The following CHRM2 variants were observed in gnomAD, a reference collection of about 807,000 sequenced individuals.
The protein encoded by CHRM2 is cholinergic receptor muscarinic 2.
A neutral mutation model predicts 25.0 loss-of-function variants in CHRM2; 8 were observed. The ratio of observed to expected loss-of-function variants is 0.32; its 90% CI spans 0.19 to 0.58. CHRM2 has a LOEUF of 0.58. Among genes scored for constraint, CHRM2 ranks in the 20% least tolerant of loss-of-function variants. CHRM2 has a pLI of 0.88. For synonymous variants in CHRM2, 202 were observed against 205.7 expected (o/e 0.98, Z 0.15); for missense variants, 440 against 567.1 (o/e 0.78, Z 2.28).
intron 2 of CHRM2, among the ~76,000 whole-genome samples, chr7:136,904,630 A>T (rs1168945412): frequency 2.0e-5 from 3 of 151,762 alleles, no homozygotes; most frequent in Non-Finnish European, 2.9e-5. Context: ...CCTTTTTAAA[A>T]TAATTTCTTG....
chr7:136,913,626 T>A (rs1356047707), intron 2 of CHRM2, among the ~76,000 whole-genome samples: 2 of 151,830 alleles, frequency 1.3e-5, no homozygotes, highest in African/African-American at 4.8e-5. Flanking sequence ...AACCTAGTAA[T>A]TTTTTTTGAG....
At chr7:136,954,424 G>A (rs561458797) in intron 2 of CHRM2, among the ~76,000 whole-genome samples, 38 of 152,172 alleles carry the variant, frequency 2.5e-4, no homozygotes, top group African/African-American at 8.2e-4. Flanking sequence ...TGATTCTGTC[G>A]ATTTCTTCCT....
In CHRM2 at chr7:136,884,682, TG is replaced by T. The variant is rs532639173; in HGVS notation, c.-125+15268del. 2.0e-4 allele frequency among the ~76,000 whole-genome samples: 30 copies of T among 152,266 alleles called. No homozygotes were observed. The East Asian group carries it at 5.8e-3, about 29-fold the overall frequency. Reference sequence around the variant, plus strand: ...TTACACTGGGAATGTGATGTCCTCCTGGGGAATGTTGGGAAGGCACTTGCAA... The same window carrying T: ...TTACACTGGGAATGTGATGTCCTCCTGGGAATGTTGGGAAGGCACTTGCAA... On this transcript the variant is annotated intron_variant, in intron 2 of 3. Transcript: ENST00000680005.
chr7:136,957,107 T>C (rs1425488898), intron 2 of CHRM2, among the ~76,000 whole-genome samples: 3 of 152,176 alleles, frequency 2.0e-5, no homozygotes, highest in African/African-American at 2.4e-5. Context: ...AAAACCCCAC[T>C]TCACTTTGTG....
chr7:137,015,367 G>A lies in CHRM2; in HGVS notation c.502G>A (p.Val168Met). The A allele has an allele frequency of 6.2e-7, 1 of 1,613,500 alleles. No individual in the cohort carries two copies. Among genetic ancestry groups the A allele is most frequent in the Non-Finnish European group, 8.5e-7 (1 of 1,179,664 alleles). ...TCTCTTCTGGCAGTTCATTGTAGGG[G>A]TGAGAACTGTGGAGGATGGGGAGTG... ...AILFWQFIVG[V>M]RTVEDGECYI... Residue 168 changes from valine to methionine, a missense_variant, in exon 4 of 4, where the codon GTG becomes ATG. Val to Met is a conservative substitution (Grantham distance 21). Around this residue, in one of 5 missense-constraint regions of CHRM2, gnomAD observed 261 missense variants for 261.8 expected, o/e 1.00. Coordinates refer to ENST00000680005, the MANE Select transcript of CHRM2 (RefSeq NM_001006630.2). The surrounding 1 kb of genome is among the most constrained non-coding windows in gnomAD (Gnocchi z 5.1).
chr7:136,979,749 C>T (rs1207671395), intron 2 of CHRM2, among the ~76,000 whole-genome samples: 4 of 151,894 alleles, frequency 2.6e-5, no homozygotes, highest in South Asian at 2.1e-4. Context: ...AAAGATCAGA[C>T]GACTGCAGAT....
At chr7:136,911,754 G>T (rs1797854334) in intron 2 of CHRM2, among the ~76,000 whole-genome samples, 1 of 151,858 alleles carries the variant, frequency 6.6e-6, no homozygotes. Context: ...TGTAATTCAG[G>T]TAAATCTGAG....
At chr7:136,994,661 C>T (rs1263857899) in intron 3 of CHRM2, among the ~76,000 whole-genome samples, 2 of 148,924 alleles carry the variant, frequency 1.3e-5, no homozygotes, top group Non-Finnish European at 3.0e-5. Flanking sequence ...CAAAGAAAGA[C>T]GTTTAGCACT....
chr7:136,892,537 G>C (rs1334787130), intron 2 of CHRM2, among the ~76,000 whole-genome samples: 1 of 152,206 alleles, frequency 6.6e-6, no homozygotes, highest in East Asian at 1.9e-4. Flanking sequence ...AAACAAACAG[G>C]TGTTAATGAG....
At chr7:136,896,629 A>G (rs1796912965) in intron 2 of CHRM2, among the ~76,000 whole-genome samples, 1 of 152,158 alleles carries the variant, frequency 6.6e-6, no homozygotes, top group African/African-American at 2.4e-5. Flanking sequence ...CTAACTAAAA[A>G]TGAAACATCT....
intron 2 of CHRM2, among the ~76,000 whole-genome samples, chr7:136,917,944 A>G (rs1372818472): frequency 6.6e-6 from 1 of 152,114 alleles, no homozygotes; most frequent in African/African-American, 2.4e-5. Flanking sequence ...TGAACAATCC[A>G]TCATGGAGCA....
At chr7:136,981,612 C>T (rs1196023176) in intron 2 of CHRM2, among the ~76,000 whole-genome samples, 1 of 152,168 alleles carries the variant, frequency 6.6e-6, no homozygotes, top group African/African-American at 2.4e-5. Flanking sequence ...CCTCTAAACA[C>T]TGCTTTGGTG....
rs947297413 is a variant in CHRM2 at position 137,018,050 on chromosome 7, T to C, written c.*1784T>C. 2.6e-5 allele frequency: 4 copies of C among 151,934 alleles called. No homozygotes were observed. The highest frequency in any genetic ancestry group is 4.8e-5 in the African/African-American group (2 of 41,430). The allele number at this position is 151,934 out of a possible 1,614,324, so 9.4% of individuals were successfully genotyped here. On this transcript the variant is annotated 3_prime_UTR_variant, in exon 4 of 4. Coordinates refer to ENST00000680005, the MANE Select transcript of CHRM2 (RefSeq NM_001006630.2). ...CAAATTTCATATTTTGGATTTTAGA[T>C]TTATGATATCTTGTTCAGTAATAAT...
Position 137,015,623 on chromosome 7 carries a change from A to G in CHRM2, c.758A>G (p.Asp253Gly). 1.9e-6 allele frequency: 3 copies of G among 1,612,956 alleles called. No individual in the cohort carries two copies. The South Asian group carries it at 3.3e-5, about 18-fold the overall frequency. Reference sequence around the variant, plus strand: ...AATAACAACATGCCCAGCAGTGACGATGGCCTGGAGCACAACAAAATCCAG... The same window carrying G: ...AATAACAACATGCCCAGCAGTGACGGTGGCCTGGAGCACAACAAAATCCAG... ...PNNNNMPSSD[D>G]GLEHNKIQNG... is the part of the protein sequence containing the mutation. The change falls in exon 4 of 4, where the codon GAT becomes GGT. Residue 253 changes from aspartate (D) to glycine (G), a missense_variant. Asp to Gly is a moderately conservative substitution (Grantham distance 94). Around this residue, in one of 5 missense-constraint regions of CHRM2, gnomAD observed 261 missense variants for 261.8 expected, o/e 1.00. Coordinates refer to ENST00000680005, the MANE Select transcript of CHRM2 (RefSeq NM_001006630.2). The surrounding 1 kb of genome is among the most constrained non-coding windows in gnomAD (Gnocchi z 5.1).
chr7:136,886,779 G>C lies in CHRM2; in HGVS notation c.-125+17361G>C, dbSNP rs538144626. Among the ~76,000 whole-genome samples, 5 of 152,226 alleles carry C rather than the reference G, an allele frequency of 3.3e-5. No homozygotes were observed. The South Asian group carries it at 1.0e-3, about 32-fold the overall frequency. ...CCTAGCTACCTGGGAGGCTGAGGGG[G>C]AGGATCATTTGAGCCCCCAGCAGGT... On this transcript the variant is annotated intron_variant, in intron 2 of 3. Coordinates refer to ENST00000680005, the MANE Select transcript of CHRM2 (RefSeq NM_001006630.2).
chr7:136,934,716 A>G (rs1799312804), intron 2 of CHRM2, among the ~76,000 whole-genome samples: 1 of 152,096 alleles, frequency 6.6e-6, no homozygotes, highest in African/African-American at 2.4e-5. Flanking sequence ...GTCATTATTT[A>G]TAAATAATGT....
chr7:136,895,282 T>C (rs1460055820), intron 2 of CHRM2, among the ~76,000 whole-genome samples: 2 of 152,198 alleles, frequency 1.3e-5, no homozygotes, highest in South Asian at 2.1e-4. Context: ...TGAGTATGTA[T>C]AAGGAGAATC....
chr7:137,010,752 C>T (rs949611318), intron 3 of CHRM2, among the ~76,000 whole-genome samples: 14 of 152,006 alleles, frequency 9.2e-5, no homozygotes, highest in Non-Finnish European at 1.8e-4. Context: ...AGTTTGTTAA[C>T]ATTACATAAA....
chr7:136,937,216 C>T (rs1040721985), intron 2 of CHRM2, among the ~76,000 whole-genome samples: 16 of 152,114 alleles, frequency 1.1e-4, no homozygotes, highest in African/African-American at 3.6e-4. Flanking sequence ...TTAAGTTATC[C>T]TTCCTGGTGA....
Sources: gnomAD v4.1 joint callset for allele counts (sites outside exome capture counted in the v4.1 genomes callset) on GRCh38, gnomAD v4.1.1 for gene constraint, gnomAD v4.1.1 regional missense constraint, Gnocchi (gnomAD v3.1) non-coding constraint, MANE v1.5 for transcripts, NCBI Gene and HGNC (gene_info 2026-07-23, HGNC 2026-07-21) for gene names.